TSPAN9: variants seen among roughly 807,000 people sequenced by gnomAD.
TSPAN9 encodes tetraspanin 9.
In TSPAN9, 16 loss-of-function variants were observed where a neutral mutation model predicts 31.0. The ratio of observed to expected loss-of-function variants is 0.52; its 90% CI spans 0.35 to 0.78. The LOEUF (loss-of-function observed/expected upper bound fraction) is 0.78, where lower values mean the gene tolerates loss of function less well. TSPAN9 is among the 30% of genes least tolerant of loss of function. The pLI, the probability that TSPAN9 is intolerant of heterozygous loss-of-function variation, is 0.01. For synonymous variants in TSPAN9, 145 were observed against 121.6 expected (o/e 1.19, Z -1.27); for missense variants, 272 against 312.5 (o/e 0.87, Z 0.98).
At chr12:3,200,230 T>G (rs993723306) in intron 2 of TSPAN9, 1 of 151,774 alleles carries the variant, frequency 6.6e-6, no homozygotes, top group African/African-American at 2.4e-5. Context: ...AGGGGGTGGC[T>G]CCCCAGCGGG....
In TSPAN9 at chr12:3,212,927, G is replaced by T. The variant is rs570036345; in HGVS notation, c.63+11671G>T. 1.1e-4 allele frequency among the ~76,000 whole-genome samples: 16 copies of T among 152,264 alleles called. No individual in the cohort carries two copies. In the South Asian group the frequency reaches 3.1e-3, roughly 30 times the overall value. On this transcript the variant is annotated intron_variant, in intron 3 of 8. Transcript: ENST00000011898. Reference sequence around the variant, plus strand: ...AGGATGGAAGATGTACAACGTGGGAGGATGCCTATCCGGTGAAGGGATTGT... The same window carrying T: ...AGGATGGAAGATGTACAACGTGGGATGATGCCTATCCGGTGAAGGGATTGT...
chr12:3,104,760 C>G (rs2153964663), intron 2 of TSPAN9, among the ~76,000 whole-genome samples: 1 of 152,276 alleles, frequency 6.6e-6, no homozygotes, highest in East Asian at 1.9e-4. Context: ...ATTTACTTAG[C>G]AAGAAGTTCA....
At chr12:3,088,243 A>G (rs2098301691) in intron 2 of TSPAN9, among the ~76,000 whole-genome samples, 1 of 152,276 alleles carries the variant, frequency 6.6e-6, no homozygotes, top group East Asian at 1.9e-4. Flanking sequence ...TGCAGATTGC[A>G]AAGACCTGAG....
At chr12:3,161,843 TCTCA>T (rs1209270291) in intron 2 of TSPAN9, among the ~76,000 whole-genome samples, 3 of 151,984 alleles carry the variant, frequency 2.0e-5, no homozygotes, top group African/African-American at 7.3e-5. Context: ...AGAGATAGGG[TCTCA>T]CTCTGTCACC....
At chr12:3,248,119 C>T (rs1591704459) in intron 3 of TSPAN9, among the ~76,000 whole-genome samples, 1 of 152,304 alleles carries the variant, frequency 6.6e-6, no homozygotes, top group South Asian at 2.1e-4. Context: ...TCCCTGAATG[C>T]CTCTTTCCTG....
At chr12:3,120,877 C>T (rs2098324747) in intron 2 of TSPAN9, among the ~76,000 whole-genome samples, 1 of 152,242 alleles carries the variant, frequency 6.6e-6, no homozygotes, top group African/African-American at 2.4e-5. Context: ...ATGGGGTAGA[C>T]CAGCCCCCAG....
At chr12:3,138,208 G>A (rs575621361) in intron 2 of TSPAN9, among the ~76,000 whole-genome samples, 4 of 152,314 alleles carry the variant, frequency 2.6e-5, no homozygotes, top group Admixed American at 6.5e-5. Context: ...TGCCTGGGGC[G>A]GGTGTAGCTG....
chr12:3,268,128 A>G (rs11615771), intron 3 of TSPAN9, among the ~76,000 whole-genome samples: 70,122 of 142,190 alleles, frequency 0.49, 19,191 homozygotes, highest in South Asian at 0.66. Flanking sequence ...CCCCATGCCT[A>G]TTCCGTAGGT....
intron 3 of TSPAN9, among the ~76,000 whole-genome samples, chr12:3,253,112 G>C (rs749253859): frequency 3.3e-5 from 5 of 152,098 alleles, no homozygotes; most frequent in Non-Finnish European, 7.4e-5. Flanking sequence ...TGTGTCCTCG[G>C]GGGTGGTGAT....
At chr12:3,083,253 C>T (rs186835519) in intron 1 of TSPAN9, among the ~76,000 whole-genome samples, 5 of 152,350 alleles carry the variant, frequency 3.3e-5, no homozygotes, top group Admixed American at 3.3e-4. Context: ...AGTGAGTTTA[C>T]ACACTTTTAC....
intron 1 of TSPAN9, among the ~76,000 whole-genome samples, chr12:3,079,479 G>A (rs1181278508): frequency 3.3e-5 from 5 of 151,120 alleles, no homozygotes; most frequent in Non-Finnish European, 5.9e-5. Flanking sequence ...ATTTTTTTCT[G>A]AGACAGACTT....
chr12:3,127,979 C>G (rs937725217), intron 2 of TSPAN9, among the ~76,000 whole-genome samples: 3 of 152,136 alleles, frequency 2.0e-5, no homozygotes, highest in East Asian at 1.9e-4. Flanking sequence ...ACATCAGCAT[C>G]ACCACACACA....
intron 2 of TSPAN9, among the ~76,000 whole-genome samples, chr12:3,089,944 T>A (rs1324133909): frequency 6.6e-6 from 1 of 152,044 alleles, no homozygotes; most frequent in Non-Finnish European, 1.5e-5. Flanking sequence ...AAGCATCCTT[T>A]TTTTTGTTGC....
chr12:3,241,515 G>A (rs969558385), intron 3 of TSPAN9, among the ~76,000 whole-genome samples: 1 of 152,228 alleles, frequency 6.6e-6, no homozygotes, highest in Non-Finnish European at 1.5e-5. Flanking sequence ...AAACATATAT[G>A]TCTACAAATA....
chr12:3,277,601 G>C lies in TSPAN9; in HGVS notation c.64-820G>C, dbSNP rs560447392. 9.2e-5 allele frequency among the ~76,000 whole-genome samples: 14 copies of C among 152,370 alleles called. No individual in the cohort carries two copies. The South Asian group carries it at 2.9e-3, about 32-fold the overall frequency. On this transcript the variant is annotated intron_variant, in intron 3 of 8. Coordinates refer to ENST00000011898, the MANE Select transcript of TSPAN9 (RefSeq NM_006675.5). ...AGCACACTTCCCATGAGCTGGCGGA[G>C]GGAGTCGGGGAGTGCCAGCTATATC...
At chr12:3,165,310 G>T (rs946883471) in intron 2 of TSPAN9, among the ~76,000 whole-genome samples, 2 of 152,180 alleles carry the variant, frequency 1.3e-5, no homozygotes, top group Non-Finnish European at 2.9e-5. Context: ...CCTCTCTGTT[G>T]GTGGGGAAAA....
chr12:3,108,969 G>A (rs1288649600), intron 2 of TSPAN9, among the ~76,000 whole-genome samples: 7 of 150,524 alleles, frequency 4.7e-5, no homozygotes, highest in South Asian at 2.1e-4. Flanking sequence ...ACAGAGTCTC[G>A]CTCTTGCCCA....
At chr12:3,260,947 G>T (rs949841563) in intron 3 of TSPAN9, among the ~76,000 whole-genome samples, 1 of 152,204 alleles carries the variant, frequency 6.6e-6, no homozygotes, top group African/African-American at 2.4e-5. Context: ...TTGAAGGAAC[G>T]CCATGATCAG....
At chr12:3,230,536 GT>G (rs2098390138) in intron 3 of TSPAN9, among the ~76,000 whole-genome samples, 1 of 152,110 alleles carries the variant, frequency 6.6e-6, no homozygotes, top group Non-Finnish European at 1.5e-5. Context: ...CTAGAAAACA[GT>G]AAGTCATTTG....
Sources: allele counts gnomAD v4.1 joint callset (sites outside exome capture counted in the v4.1 genomes callset), GRCh38; gene constraint gnomAD v4.1.1; transcripts MANE v1.5; gene names NCBI Gene and HGNC (gene_info 2026-07-23, HGNC 2026-07-21).